GRID2: variants seen among roughly 807,000 people sequenced by gnomAD.
GRID2 encodes glutamate receptor ionotropic, delta-2.
In GRID2, 33 loss-of-function variants were observed where a neutral mutation model predicts 114.8. That is an observed-to-expected ratio of 0.29 (90% confidence interval 0.22 to 0.38). The LOEUF (loss-of-function observed/expected upper bound fraction) is 0.38, where lower values mean the gene tolerates loss of function less well. Among genes scored for constraint, GRID2 ranks in the 10% least tolerant of loss-of-function variants. The pLI, the probability that GRID2 is intolerant of heterozygous loss-of-function variation, is 1.00. For synonymous variants in GRID2, 505 were observed against 449.9 expected (o/e 1.12, Z -1.55); for missense variants, 1,184 against 1,257.7 (o/e 0.94, Z 0.89).
At chr4:92,597,551 G>C (rs531552236) in intron 2 of GRID2, among the ~76,000 whole-genome samples, 4 of 152,072 alleles carry the variant, frequency 2.6e-5, no homozygotes, top group Non-Finnish European at 5.9e-5. Context: ...GTTTTATTTG[G>C]AAGAGTCTTT....
chr4:92,973,166 G>A (rs1481159530), intron 2 of GRID2, among the ~76,000 whole-genome samples: 2 of 151,678 alleles, frequency 1.3e-5, no homozygotes, highest in African/African-American at 4.8e-5. Flanking sequence ...TGTTTTTAAG[G>A]GTGTAAATTA....
At chr4:93,359,525 A>C (rs997196737) in intron 8 of GRID2, among the ~76,000 whole-genome samples, 1 of 150,442 alleles carries the variant, frequency 6.6e-6, no homozygotes, top group Non-Finnish European at 1.5e-5. Context: ...GGTCTTATTC[A>C]TTTTTTTCTG....
At chr4:92,445,720 TC>T (rs1024644950) in intron 1 of GRID2, among the ~76,000 whole-genome samples, 10 of 152,300 alleles carry the variant, frequency 6.6e-5, no homozygotes, top group Admixed American at 6.5e-4. Flanking sequence ...GTGGTGTGGT[TC>T]CCCAAATAAC....
At chr4:93,460,330 A>G (rs1723623594) in intron 11 of GRID2, among the ~76,000 whole-genome samples, 3 of 152,152 alleles carry the variant, frequency 2.0e-5, no homozygotes, top group Non-Finnish European at 4.4e-5. Context: ...TTACGGTTTG[A>G]CCATAAGACA....
intron 2 of GRID2, among the ~76,000 whole-genome samples, chr4:92,913,718 C>G (rs1473110105): frequency 6.6e-6 from 1 of 151,854 alleles, no homozygotes; most frequent in African/African-American, 2.4e-5. Flanking sequence ...GAATAACTTA[C>G]TGGTTGAGAG....
chr4:93,021,534 T>C (rs528231396), intron 2 of GRID2, among the ~76,000 whole-genome samples: 107 of 146,850 alleles, frequency 7.3e-4, no homozygotes, highest in Non-Finnish European at 1.1e-3. Context: ...TTTTTGTAAA[T>C]AAAAAATGAA....
intron 2 of GRID2, among the ~76,000 whole-genome samples, chr4:92,740,770 A>G (rs1736858590): frequency 1.4e-5 from 2 of 143,838 alleles, no homozygotes; most frequent in South Asian, 4.2e-4. Flanking sequence ...ATAGATAGAT[A>G]GAGTTTCACT....
chr4:93,411,263 C>CA (rs1428975659), intron 9 of GRID2, among the ~76,000 whole-genome samples: 2 of 151,984 alleles, frequency 1.3e-5, no homozygotes, highest in African/African-American at 4.8e-5. Context: ...CATGAATACA[C>CA]AAAAAGTTTT....
At chr4:93,681,838 C>T (rs1196909061) in intron 14 of GRID2, among the ~76,000 whole-genome samples, 1 of 151,998 alleles carries the variant, frequency 6.6e-6, no homozygotes, top group East Asian at 1.9e-4. Flanking sequence ...TAGAAGAAAA[C>T]CTAGGCATTA....
intron 2 of GRID2, among the ~76,000 whole-genome samples, chr4:92,668,631 G>A (rs1176014189): frequency 1.3e-5 from 2 of 151,786 alleles, no homozygotes; most frequent in Non-Finnish European, 2.9e-5. Flanking sequence ...GTTTATACAA[G>A]TCAGCAGAAT....
At chr4:92,537,259 TTAAG>T (rs1308707687) in intron 1 of GRID2, among the ~76,000 whole-genome samples, 3 of 152,170 alleles carry the variant, frequency 2.0e-5, no homozygotes, top group Non-Finnish European at 4.4e-5. Context: ...TGTATATAAT[TTAAG>T]TAATTTATAT....
chr4:93,073,753 C>T (rs1729019278), intron 2 of GRID2, among the ~76,000 whole-genome samples: 1 of 152,082 alleles, frequency 6.6e-6, no homozygotes, highest in East Asian at 1.9e-4. Context: ...GTCTTGGTTC[C>T]AGGATCTTTC....
At chr4:92,477,489 T>C (rs1722375663) in intron 1 of GRID2, among the ~76,000 whole-genome samples, 1 of 151,976 alleles carries the variant, frequency 6.6e-6, no homozygotes, top group African/African-American at 2.4e-5. Flanking sequence ...GACAGTATGC[T>C]TGATTGTGTC....
At chr4:92,735,884 A>T (rs2149327742) in intron 2 of GRID2, among the ~76,000 whole-genome samples, 1 of 152,176 alleles carries the variant, frequency 6.6e-6, no homozygotes, top group South Asian at 2.1e-4. Flanking sequence ...ACATAACAGT[A>T]TTTATAAATT....
At chr4:93,261,218 G>A (rs1750219673) in intron 8 of GRID2, among the ~76,000 whole-genome samples, 1 of 151,836 alleles carries the variant, frequency 6.6e-6, no homozygotes, top group Non-Finnish European at 1.5e-5. Flanking sequence ...TTCGAAAGGA[G>A]CTCAAAAATC....
intron 2 of GRID2, among the ~76,000 whole-genome samples, chr4:92,818,191 T>C (rs781336933): frequency 1.3e-5 from 2 of 152,154 alleles, no homozygotes; most frequent in Non-Finnish European, 2.9e-5. Context: ...TCCCACTTAA[T>C]TATAAACTGA....
At chr4:93,075,760 T>G (rs962932286) in intron 2 of GRID2, among the ~76,000 whole-genome samples, 1 of 151,960 alleles carries the variant, frequency 6.6e-6, no homozygotes, top group Non-Finnish European at 1.5e-5. Flanking sequence ...GTGCAAGACA[T>G]GTACACTGAA....
chr4:92,866,850 C>T (rs775060046), intron 2 of GRID2, among the ~76,000 whole-genome samples: 10 of 152,088 alleles, frequency 6.6e-5, no homozygotes, highest in Non-Finnish European at 1.3e-4. Context: ...CGCTCCCGGC[C>T]GATGTTATCC....
intron 2 of GRID2, among the ~76,000 whole-genome samples, chr4:92,718,373 GA>G (rs1291177315): frequency 6.6e-6 from 1 of 152,002 alleles, no homozygotes; most frequent in Non-Finnish European, 1.5e-5. Context: ...TGGAAATACA[GA>G]AAACTCCTTT....
Sources: gnomAD v4.1 joint callset for allele counts (sites outside exome capture counted in the v4.1 genomes callset) on GRCh38, gnomAD v4.1.1 for gene constraint, MANE v1.5 for transcripts, NCBI Gene and HGNC (gene_info 2026-07-23, HGNC 2026-07-21) for gene names.